Variants in PLCE1 observed in about 807,000 individuals in gnomAD.
The protein encoded by PLCE1 is phospholipase C epsilon 1, also known as 1-phosphatidylinositol 4,5-bisphosphate phosphodiesterase epsilon-1.
Under a neutral mutation model 242.8 loss-of-function variants are expected in PLCE1, and 119 were observed. That is an observed-to-expected ratio of 0.49 (90% CI 0.42 to 0.57). PLCE1 has a LOEUF of 0.57. Among genes scored for constraint, PLCE1 ranks in the 20% least tolerant of loss-of-function variants. The probability of loss-of-function intolerance (pLI) is 0.00; values close to 1 mark genes in which losing one functional copy is unlikely to be tolerated. For synonymous variants in PLCE1, 945 were observed against 1,017.4 expected (o/e 0.93, Z 1.35); for missense variants, 2,441 against 2,788.8 (o/e 0.88, Z 2.81).
At position 94,317,465 on chromosome 10, in the gene PLCE1, C is replaced by T. The variant is rs12219592; in HGVS notation, c.6342+709C>T. 3.9e-3 allele frequency among the ~76,000 whole-genome samples: 599 copies of T among 152,232 alleles called. 36 individuals are homozygous for T. The East Asian group carries it at 0.1, about 27-fold the overall frequency. On this transcript the variant is annotated intron_variant, in intron 29 of 32. Transcript: ENST00000371380. ...GCAAAACCTGCAGGTATTTTCTATT[C>T]TGGGGATGACTGACTTCCAGTTTTA...
intron 3 of PLCE1, among the ~76,000 whole-genome samples, chr10:94,134,178 G>A (rs924066527): frequency 6.6e-6 from 1 of 150,592 alleles, no homozygotes; most frequent in African/African-American, 2.4e-5. Context: ...TTGGCTCACT[G>A]CAGCCTCTGC....
intron 2 of PLCE1, among the ~76,000 whole-genome samples, chr10:94,052,147 G>T (rs1478066540): frequency 2.0e-5 from 3 of 152,154 alleles, no homozygotes; most frequent in African/African-American, 7.2e-5. Flanking sequence ...AGGGGAGAAT[G>T]CCCACATGGA....
At position 94,031,036 on chromosome 10, in the gene PLCE1, G is replaced by T; in HGVS notation, c.-11G>T. The T allele has an allele frequency of 1.2e-6, 2 of 1,613,418 alleles. No individual in the cohort carries two copies. Among genetic ancestry groups the T allele is most frequent in the Non-Finnish European group, 1.7e-6 (2 of 1,179,492 alleles). ...ATAGAGCAATAGTCAAAACCTGTGT[G>T]TTAGTCCAAGATGACTTCTGAAGAA... On this transcript the variant is annotated 5_prime_UTR_variant, in exon 2 of 33. Coordinates refer to ENST00000371380, the MANE Select transcript of PLCE1 (RefSeq NM_016341.4).
intron 3 of PLCE1, among the ~76,000 whole-genome samples, chr10:94,162,520 A>T (rs1191865690): frequency 6.6e-6 from 1 of 151,842 alleles, no homozygotes; most frequent in African/African-American, 2.4e-5. Context: ...ATCATTTTTT[A>T]TTGCGTCTAT....
At chr10:94,057,688 A>G (rs566517933) in intron 2 of PLCE1, among the ~76,000 whole-genome samples, 6 of 152,346 alleles carry the variant, frequency 3.9e-5, no homozygotes, top group Non-Finnish European at 8.8e-5. Context: ...CTATTGCTGC[A>G]TAACAAATGA....
intron 4 of PLCE1, among the ~76,000 whole-genome samples, chr10:94,186,508 ACT>A (rs2048483531): frequency 1.3e-5 from 2 of 152,106 alleles, no homozygotes; most frequent in East Asian, 3.9e-4. Flanking sequence ...ATTAACTAAC[ACT>A]CTAGATTTTT....
intron 2 of PLCE1, among the ~76,000 whole-genome samples, chr10:94,086,575 G>A (rs963128608): frequency 1.3e-5 from 2 of 152,168 alleles, no homozygotes; most frequent in Non-Finnish European, 2.9e-5. Flanking sequence ...TCCCCACTAG[G>A]GTGGGGGTCT....
intron 4 of PLCE1, among the ~76,000 whole-genome samples, chr10:94,214,696 A>G (rs1223164702): frequency 6.6e-6 from 1 of 152,130 alleles, no homozygotes; most frequent in Non-Finnish European, 1.5e-5. Context: ...CTTGCTCACC[A>G]TTCACATTCT....
intron 3 of PLCE1, chr10:94,138,588 A>G (rs939946508): frequency 5.4e-5 from 24 of 442,814 alleles, no homozygotes; most frequent in African/African-American, 4.9e-4. Context: ...CAATCTGAAC[A>G]TCAAAGGGCA....
chr10:94,200,916 C>G (rs1283217998), intron 4 of PLCE1, among the ~76,000 whole-genome samples: 3 of 152,000 alleles, frequency 2.0e-5, no homozygotes, highest in Non-Finnish European at 4.4e-5. Flanking sequence ...AATACATGAC[C>G]AGTAATTCTC....
At chr10:94,039,382 CT>C (rs528351330) in intron 2 of PLCE1, among the ~76,000 whole-genome samples, 273 of 145,302 alleles carry the variant, frequency 1.9e-3, no homozygotes, top group East Asian at 5.8e-3. Context: ...TTCTCCATAT[CT>C]TTTTTTTTTT....
chr10:94,019,380 C>T (rs1367213811), intron 1 of PLCE1, among the ~76,000 whole-genome samples: 2 of 152,142 alleles, frequency 1.3e-5, no homozygotes, highest in African/African-American at 4.8e-5. Context: ...ATCTATATAG[C>T]CACCACCTCA....
intron 5 of PLCE1, among the ~76,000 whole-genome samples, chr10:94,232,081 A>G (rs1355381421): frequency 6.6e-6 from 1 of 152,244 alleles, no homozygotes; most frequent in Non-Finnish European, 1.5e-5. Flanking sequence ...TTTTAAGGAA[A>G]GGAGAACCCC....
chr10:94,076,761 A>C (rs1176676093), intron 2 of PLCE1, among the ~76,000 whole-genome samples: 1 of 149,816 alleles, frequency 6.7e-6, no homozygotes, highest in African/African-American at 2.6e-5. Context: ...AGCTGCTGGC[A>C]GCCGTGGGTG....
chr10:94,060,596 A>C (rs181898447), intron 2 of PLCE1, among the ~76,000 whole-genome samples: 374 of 152,240 alleles, frequency 2.5e-3, no homozygotes, highest in African/African-American at 8.4e-3. Flanking sequence ...TTGAACTCCT[A>C]GACTCTCTGA....
intron 4 of PLCE1, among the ~76,000 whole-genome samples, chr10:94,205,366 G>C (rs766533663): frequency 3.3e-5 from 5 of 152,182 alleles, no homozygotes; most frequent in African/African-American, 1.2e-4. Context: ...TTACAAGCAC[G>C]TATTACTTTC....
chr10:93,998,211 T>C (rs142908211), intron 1 of PLCE1, among the ~76,000 whole-genome samples: 1,816 of 152,298 alleles, frequency 0.012, 15 homozygotes, highest in Non-Finnish European at 0.016. Context: ...AGTGATCTCT[T>C]CTTAGATTTT....
chr10:94,186,548 C>T (rs1262550501), intron 4 of PLCE1, among the ~76,000 whole-genome samples: 1 of 152,058 alleles, frequency 6.6e-6, no homozygotes, highest in East Asian at 1.9e-4. Flanking sequence ...AAATATGTGC[C>T]ATGTATATTT....
At chr10:94,182,325 G>T (rs2048339589) in intron 4 of PLCE1, among the ~76,000 whole-genome samples, 1 of 151,890 alleles carries the variant, frequency 6.6e-6, no homozygotes, top group Admixed American at 6.6e-5. Flanking sequence ...GGAGTGCAAT[G>T]GTATGATCTC....
Sources: gnomAD v4.1 joint callset for allele counts (sites outside exome capture counted in the v4.1 genomes callset) on GRCh38, gnomAD v4.1.1 for gene constraint, MANE v1.5 for transcripts, NCBI Gene and HGNC (gene_info 2026-07-23, HGNC 2026-07-21) for gene names.